The following SUGP2 variants were observed in gnomAD, a reference collection of about 807,000 sequenced individuals.
SUGP2 encodes SURP and G-patch domain containing 2.
A neutral mutation model predicts 90.5 loss-of-function variants in SUGP2; 24 were observed. The observed-to-expected ratio is 0.27, with a 90% CI of 0.19 to 0.37. SUGP2 has a LOEUF of 0.37. SUGP2 is among the 10% of genes least tolerant of loss of function. The pLI, the probability that SUGP2 is intolerant of heterozygous loss-of-function variation, is 1.00. For synonymous variants in SUGP2, 473 were observed against 513.4 expected (o/e 0.92, Z 1.06); for missense variants, 1,233 against 1,363.3 (o/e 0.90, Z 1.51).
chr19:19,012,015 G>A (rs1374655291), intron 4 of SUGP2, among the ~76,000 whole-genome samples: 1 of 152,182 alleles, frequency 6.6e-6, no homozygotes, highest in African/African-American at 2.4e-5. Context: ...CAGATTACCA[G>A]TGACAAGCCA....
chr19:19,025,850 G>A lies in SUGP2; in HGVS notation c.498C>T (p.Pro166=), dbSNP rs779370799. The stretch of plus-strand genomic sequence containing the variant: ...ATCCAAAGTCCCCCAAAACTGCAGA[G>A]GGACCAAAACTATACTCCTGTGACC... ...SSWSQEYSFG[P]SAVLGDFGSS... Residue 166 remains proline, a synonymous_variant, in exon 3 of 11, where the codon CCC becomes CCT. Transcript: ENST00000452918. 1 of 1,614,088 alleles carries A rather than the reference G, an allele frequency of 6.2e-7. No individual in the cohort carries two copies. The highest frequency in any genetic ancestry group is 1.1e-5 in the South Asian group (1 of 91,076).
intron 4 of SUGP2, among the ~76,000 whole-genome samples, chr19:19,012,638 C>T (rs1935068470): frequency 6.6e-6 from 1 of 152,180 alleles, no homozygotes; most frequent in South Asian, 2.1e-4. Context: ...GTGAGGCCTG[C>T]GTTATAAGCT....
intron 1 of SUGP2, among the ~76,000 whole-genome samples, chr19:19,032,402 G>T (rs960088619): frequency 6.6e-6 from 1 of 152,044 alleles, no homozygotes; most frequent in African/African-American, 2.4e-5. Flanking sequence ...CAAGTGATTC[G>T]CCCGCTTCGG....
chr19:19,004,150 C>T lies in SUGP2; in HGVS notation c.2929+18G>A, dbSNP rs774569875. 22 of 1,524,648 alleles carry T rather than the reference C, an allele frequency of 1.4e-5. No individual in the cohort carries two copies. Among genetic ancestry groups the T allele is most frequent in the Admixed American group, 8.3e-5 (4 of 47,968 alleles). The allele number at this position is 1,524,648 out of a possible 1,614,324, so 94.4% of individuals were successfully genotyped here. A position where few individuals can be genotyped will look rare whatever the true frequency, so the allele number is the denominator to read the frequency against. ...AGAACTGTGCTAGAGGCAACTGTGC[C>T]GACAGGCGGGCACTCACCTTTTGGC... On this transcript the variant is annotated intron_variant, in intron 7 of 10. Transcript: ENST00000452918.
At chr19:19,003,290 G>A (rs1316102996) in intron 7 of SUGP2, among the ~76,000 whole-genome samples, 1 of 152,200 alleles carries the variant, frequency 6.6e-6, no homozygotes, top group East Asian at 1.9e-4. Context: ...GTTTAACACA[G>A]TCCCACAATG....
chr19:18,994,162 T>TAAC, intron 10 of SUGP2: 1 of 667,820 alleles, frequency 1.5e-6, no homozygotes, highest in Non-Finnish European at 2.4e-6. Flanking sequence ...GTGTGAGGTT[T>TAAC]GCTCCTTCAG....
At chr19:19,014,804 C>CA (rs202072636) in intron 4 of SUGP2, among the ~76,000 whole-genome samples, 89 of 131,576 alleles carry the variant, frequency 6.8e-4, no homozygotes, top group Middle Eastern at 7.8e-3. Context: ...TCTCTTTAAA[C>CA]AAAAAAAAAA....
chr19:19,018,880 G>A (rs897615249), intron 4 of SUGP2, among the ~76,000 whole-genome samples: 14 of 152,168 alleles, frequency 9.2e-5, no homozygotes, highest in Admixed American at 3.9e-4. Context: ...ACTTGGAGCT[G>A]TAGTCACAGG....
In SUGP2 at chr19:19,019,099, A is replaced by G. The variant is rs369992374; in HGVS notation, c.1850+10T>C. On this transcript the variant is annotated intron_variant, in intron 4 of 10. Transcript: ENST00000452918. Reference sequence around the variant, plus strand: ...AGAGGGATTCACAGCGTGGACATTTAAAGACCTACCAGTAAGCAGGGTCCT... The same window carrying G: ...AGAGGGATTCACAGCGTGGACATTTGAAGACCTACCAGTAAGCAGGGTCCT... 982 of 1,612,422 alleles carry G rather than the reference A, an allele frequency of 6.1e-4. 12 individuals carry two copies. The South Asian group carries it at 0.01, about 16-fold the overall frequency.
At position 18,991,177 on chromosome 19, in the gene SUGP2, T is replaced by C. The variant is rs769219909; in HGVS notation, c.*2564A>G. 4 of 152,140 alleles carry C rather than the reference T, an allele frequency of 2.6e-5. No homozygotes were observed. Among genetic ancestry groups the C allele is most frequent in the Admixed American group, 6.5e-5 (1 of 15,272 alleles). 9.4% of individuals were successfully genotyped at this position (152,140 alleles called of 1,614,324 possible). A position where few individuals can be genotyped will look rare whatever the true frequency, so the allele number is the denominator to read the frequency against. On this transcript the variant is annotated 3_prime_UTR_variant, in exon 11 of 11. Transcript: ENST00000452918. ...AGAACGACAGAAAAGACACTGTGACTTTGACACGGCTGTGCCACCACACAT... is the reference window on the plus strand; with the variant it reads ...AGAACGACAGAAAAGACACTGTGACCTTGACACGGCTGTGCCACCACACAT...
intron 2 of SUGP2, among the ~76,000 whole-genome samples, chr19:19,027,933 G>A (rs117982956): frequency 0.012 from 1,829 of 152,324 alleles, 25 homozygotes; most frequent in Non-Finnish European, 0.017. Context: ...ACCGTGTCAC[G>A]CTGCATAGCT....
intron 3 of SUGP2, among the ~76,000 whole-genome samples, chr19:19,021,469 G>T (rs1284874004): frequency 6.6e-6 from 1 of 151,878 alleles, no homozygotes; most frequent in Non-Finnish European, 1.5e-5. Flanking sequence ...AGATGTTGAG[G>T]TTTACAGTCA....
intron 2 of SUGP2, among the ~76,000 whole-genome samples, chr19:19,030,098 G>C (rs529855163): frequency 4.6e-5 from 7 of 151,976 alleles, no homozygotes; most frequent in African/African-American, 1.7e-4. Flanking sequence ...AGGATCACTT[G>C]AGCCCAGGAG....
chr19:19,031,009 T>C lies in SUGP2; in HGVS notation c.63A>G (p.Arg21=), dbSNP rs992285243. The C allele has an allele frequency of 3.1e-6, 5 of 1,613,980 alleles. No homozygotes were observed. In the South Asian group the frequency reaches 5.5e-5, roughly 18 times the overall value. The change falls in exon 2 of 11, where the codon CGA becomes CGG. Residue 21 remains arginine (R), a synonymous_variant. Transcript: ENST00000452918. ...CCTCACCACTGGCATCCATGTGATA[T>C]CGTTTGGCTTTTTCTTGTAATACAG... is the stretch of plus-strand genomic sequence containing the variant. ...FDAVLQEKAK[R]YHMDASGEAV...
chr19:19,032,156 C>T (rs867452986), intron 1 of SUGP2, among the ~76,000 whole-genome samples: 10 of 143,676 alleles, frequency 7.0e-5, no homozygotes, highest in Non-Finnish European at 1.5e-4. Context: ...AGAGATCAAT[C>T]TTTTTTTTTT....
At chr19:19,016,687 C>T (rs1275834941) in intron 4 of SUGP2, among the ~76,000 whole-genome samples, 1 of 152,112 alleles carries the variant, frequency 6.6e-6, no homozygotes, top group Non-Finnish European at 1.5e-5. Context: ...GCTCTTGGAG[C>T]CTCAAAGTTT....
intron 7 of SUGP2, 24 bp from the exon 8 acceptor site, chr19:19,001,698 C>A: frequency 6.2e-7 from 1 of 1,611,438 alleles, no homozygotes; most frequent in Non-Finnish European, 8.5e-7. Context: ...GAAAGAGACA[C>A]ATACACATAC....
chr19:19,020,370 T>C (rs1388228217), intron 3 of SUGP2, among the ~76,000 whole-genome samples: 1 of 150,442 alleles, frequency 6.6e-6, no homozygotes, highest in East Asian at 2.0e-4. Context: ...AGGTGGAGCT[T>C]GCAGTGAGCC....
chr19:19,016,085 G>A (rs1016538863), intron 4 of SUGP2, among the ~76,000 whole-genome samples: 1 of 152,150 alleles, frequency 6.6e-6, no homozygotes, highest in African/African-American at 2.4e-5. Context: ...GGTGTCAGGA[G>A]TTGGTTGAGT....
Sources: gnomAD v4.1 joint callset for allele counts (sites outside exome capture counted in the v4.1 genomes callset) on GRCh38, gnomAD v4.1.1 for gene constraint, MANE v1.5 for transcripts, NCBI Gene and HGNC (gene_info 2026-07-23, HGNC 2026-07-21) for gene names.